Variants in HLCS observed in about 807,000 individuals in gnomAD.
HLCS encodes the protein biotin--protein ligase.
HLCS carries 53 observed loss-of-function variants against 75.0 expected under a neutral mutation model. That is an observed-to-expected ratio of 0.71 (90% confidence interval 0.57 to 0.89). The LOEUF (loss-of-function observed/expected upper bound fraction) is 0.89. Ranked by LOEUF, HLCS falls within the 40% of genes least tolerant of loss-of-function variation. The pLI is 0.00. For missense variants in HLCS, 966 were observed against 1,074.0 expected, an observed-to-expected ratio of 0.90 and a Z score of 1.41; for synonymous variants, 431 against 428.6, an observed-to-expected ratio of 1.01 and a Z score of -0.07.
chr21:36,974,345 A>C (rs28650072), intron 1 of HLCS: 3 of 152,328 alleles, frequency 2.0e-5, no homozygotes, highest in Admixed American at 6.5e-5. Flanking sequence ...ACCAGAGGAG[A>C]GAGATAGAGA....
At chr21:36,913,915 G>A (rs1182393470) in intron 5 of HLCS, among the ~76,000 whole-genome samples, 1 of 152,204 alleles carries the variant, frequency 6.6e-6, no homozygotes, top group Admixed American at 6.5e-5. Context: ...GTTTCTGCAG[G>A]AAAGAGGTGT....
At chr21:36,831,668 G>A (rs1404399625) in intron 6 of HLCS, among the ~76,000 whole-genome samples, 1 of 152,148 alleles carries the variant, frequency 6.6e-6, no homozygotes, top group East Asian at 1.9e-4. Flanking sequence ...GGGCAACAGA[G>A]CAAGACTCCA....
intron 10 of HLCS, among the ~76,000 whole-genome samples, chr21:36,756,212 GC>G (rs2089568408): frequency 6.6e-6 from 1 of 151,976 alleles, no homozygotes; most frequent in Admixed American, 6.5e-5. Flanking sequence ...GCCAAGGCGG[GC>G]AGATCACAAG....
intron 6 of HLCS, among the ~76,000 whole-genome samples, chr21:36,803,726 T>C (rs2145928694): frequency 7.2e-6 from 1 of 139,706 alleles, no homozygotes; most frequent in Middle Eastern, 3.6e-3. Context: ...TCCAAAGTGT[T>C]TTGTTTTGTT....
At chr21:36,960,668 A>G (rs2068243150) in intron 2 of HLCS, among the ~76,000 whole-genome samples, 1 of 152,244 alleles carries the variant, frequency 6.6e-6, no homozygotes, top group East Asian at 1.9e-4. Flanking sequence ...CATCTTACAG[A>G]TAATCTTCAT....
At chr21:36,819,087 C>T (rs1423655224) in intron 6 of HLCS, among the ~76,000 whole-genome samples, 3 of 152,140 alleles carry the variant, frequency 2.0e-5, no homozygotes, top group African/African-American at 7.2e-5. Flanking sequence ...GCTTAGGAGG[C>T]TCCGAAAGAT....
intron 5 of HLCS, among the ~76,000 whole-genome samples, chr21:36,905,775 G>A (rs535545007): frequency 3.3e-5 from 5 of 152,242 alleles, no homozygotes; most frequent in Admixed American, 1.3e-4. Context: ...AAATTGGCTG[G>A]GCACAGTGGC....
chr21:36,847,168 C>T (rs994427605), intron 6 of HLCS, among the ~76,000 whole-genome samples: 3 of 152,162 alleles, frequency 2.0e-5, no homozygotes, highest in African/African-American at 7.2e-5. Flanking sequence ...AAGCTTCAGA[C>T]AGAAACCTGA....
At chr21:36,817,357 T>C (rs1459882039) in intron 6 of HLCS, among the ~76,000 whole-genome samples, 1 of 152,218 alleles carries the variant, frequency 6.6e-6, no homozygotes, top group Non-Finnish European at 1.5e-5. Context: ...TGCATTCACC[T>C]TAATTTGATT....
intron 6 of HLCS, among the ~76,000 whole-genome samples, chr21:36,869,737 T>G (rs2146224017): frequency 6.6e-6 from 1 of 152,332 alleles, no homozygotes; most frequent in South Asian, 2.1e-4. Context: ...ATCCTTATTT[T>G]GTTAATCCTC....
intron 6 of HLCS, among the ~76,000 whole-genome samples, chr21:36,809,517 T>C (rs1328039862): frequency 6.6e-6 from 1 of 152,188 alleles, no homozygotes; most frequent in Non-Finnish European, 1.5e-5. Context: ...CTATTATTTC[T>C]TCTACTATTT....
intron 5 of HLCS, among the ~76,000 whole-genome samples, chr21:36,901,056 T>G (rs1419050832): frequency 6.6e-6 from 1 of 151,284 alleles, no homozygotes; most frequent in African/African-American, 2.4e-5. Flanking sequence ...AGGTCAGGAG[T>G]TCAAGACCAG....
chr21:36,823,569 G>A (rs2061910028), intron 6 of HLCS, among the ~76,000 whole-genome samples: 1 of 150,690 alleles, frequency 6.6e-6, no homozygotes, highest in Middle Eastern at 3.2e-3. Context: ...TAGTCTACGA[G>A]GAGACTAACA....
chr21:36,840,724 C>T lies in HLCS; in HGVS notation c.1892+56136G>A, dbSNP rs148585871. On this transcript the variant is annotated intron_variant, in intron 6 of 10. Transcript: ENST00000674895. ...GCCTCCCAGGTTCAAGAGATTCTGC[C>T]GCCTCAGCCTCCCGAATAGCTGGGA... Among the ~76,000 whole-genome samples, 946 of 152,120 alleles carry T rather than the reference C, an allele frequency of 6.2e-3. 64 individuals are homozygous for T. The East Asian group carries it at 0.15, about 24-fold the overall frequency.
chr21:36,936,118 A>C lies in HLCS; in HGVS notation c.1437+331T>G, dbSNP rs185741425. 5.2e-3 allele frequency among the ~76,000 whole-genome samples: 790 copies of C among 152,352 alleles called. 1 individual carries two copies. The highest frequency in any genetic ancestry group is 7.5e-3 in the Non-Finnish European group (510 of 68,036). On this transcript the variant is annotated intron_variant, in intron 4 of 10. Coordinates refer to ENST00000674895, the MANE Select transcript of HLCS (RefSeq NM_001352514.2). ...AAGGGGTGCTCTAAGGCAAGAAAGC[A>C]GACCGATGAATTTGAGAAAGATCAT...
At chr21:36,827,573 CA>C (rs111359900) in intron 6 of HLCS, among the ~76,000 whole-genome samples, 101 of 105,684 alleles carry the variant, frequency 9.6e-4, no homozygotes, top group African/African-American at 1.5e-3. Flanking sequence ...GACTCCATCT[CA>C]AAAAAAAAAA....
intron 8 of HLCS, among the ~76,000 whole-genome samples, chr21:36,762,656 C>A (rs1343937375): frequency 6.6e-6 from 1 of 152,136 alleles, no homozygotes; most frequent in African/African-American, 2.4e-5. Flanking sequence ...AAAAAGAAAC[C>A]CAATTCAAAA....
chr21:36,970,048 A>C (rs574432056), upstream of HLCS, among the ~76,000 whole-genome samples: 1 of 152,342 alleles, frequency 6.6e-6, no homozygotes, highest in Admixed American at 6.5e-5. Context: ...TTAGGAAGGC[A>C]TGCCCTGGGA....
At chr21:36,891,929 A>T (rs1470488720) in intron 6 of HLCS, among the ~76,000 whole-genome samples, 1 of 152,088 alleles carries the variant, frequency 6.6e-6, no homozygotes. Flanking sequence ...CTGGCCTTCC[A>T]CCCAAGCCCA....
Sources: gnomAD v4.1 joint callset for allele counts (sites outside exome capture counted in the v4.1 genomes callset) on GRCh38, gnomAD v4.1.1 for gene constraint, MANE v1.5 for transcripts, NCBI Gene and HGNC (gene_info 2026-07-23, HGNC 2026-07-21) for gene names.